Variants in FAM131B observed in about 807,000 individuals in gnomAD.
FAM131B encodes protein FAM131B.
In FAM131B, 19 loss-of-function variants were observed where a neutral mutation model predicts 42.0. The observed-to-expected ratio is 0.45, with a 90% CI of 0.32 to 0.66. The LOEUF is 0.66. Ranked by LOEUF, FAM131B falls within the 30% of genes least tolerant of loss-of-function variation. FAM131B has a pLI of 0.05. For synonymous variants in FAM131B, 183 were observed against 177.6 expected (o/e 1.03, Z -0.24); for missense variants, 370 against 468.4 (o/e 0.79, Z 1.94).
At position 143,356,539 on chromosome 7, in the gene FAM131B, G is replaced by C. The variant is rs771255526; in HGVS notation, c.*11C>G. ...AGGTGGGAGTGGAAGGCAGGGCATTGGGGGAGGAAACTAGTTGTTGGCCTC... is the reference window on the plus strand; with the variant it reads ...AGGTGGGAGTGGAAGGCAGGGCATTCGGGGAGGAAACTAGTTGTTGGCCTC... On this transcript the variant is annotated 3_prime_UTR_variant, in exon 7 of 7. Transcript: ENST00000443739. The surrounding 1 kb of genome is among the most constrained non-coding windows in gnomAD (Gnocchi z 4.4). 2.5e-6 allele frequency: 4 copies of C among 1,596,814 alleles called. No homozygotes were observed. The South Asian group carries it at 3.3e-5, about 13-fold the overall frequency.
Position 143,356,504 on chromosome 7 carries a change from C to T in FAM131B, c.*46G>A. 6.9e-7 allele frequency: 1 copy of T among 1,445,002 alleles called. No individual in the cohort carries two copies. 89.5% of individuals were successfully genotyped at this position (1,445,002 alleles called of 1,614,324 possible). The stretch of plus-strand genomic sequence containing the variant: ...GGGGAGGGAGGGTATGGGTCACAGC[C>T]ATGGCCCTCAGGTGGGAGTGGAAGG... On this transcript the variant is annotated 3_prime_UTR_variant, in exon 7 of 7. Coordinates refer to ENST00000443739, the MANE Select transcript of FAM131B (RefSeq NM_001031690.3). The surrounding 1 kb of genome is among the most constrained non-coding windows in gnomAD (Gnocchi z 4.4).
rs1407396507 is a variant in FAM131B at position 143,356,232 on chromosome 7, C to T, written c.*318G>A. On this transcript the variant is annotated 3_prime_UTR_variant, in exon 7 of 7. Transcript: ENST00000443739. The surrounding 1 kb of genome is among the most constrained non-coding windows in gnomAD (Gnocchi z 4.4). Reference sequence around the variant, plus strand: ...CCAGTCTTGAGCACAGCTGCGCTGCCCCCGTCCTCAGGGTGCACACACTGG... The same window carrying T: ...CCAGTCTTGAGCACAGCTGCGCTGCTCCCGTCCTCAGGGTGCACACACTGG... 1 of 364,628 alleles carries T rather than the reference C, an allele frequency of 2.7e-6. No homozygotes were observed. The highest frequency in any genetic ancestry group is 5.0e-6 in the Non-Finnish European group (1 of 199,180). The allele number at this position is 364,628 out of a possible 1,614,324, so 22.6% of individuals were successfully genotyped here.
chr7:143,355,284 T>G lies in FAM131B; in HGVS notation c.*1266A>C, dbSNP rs920572559. 6.6e-6 allele frequency: 1 copy of G among 152,228 alleles called. No individual in the cohort carries two copies. Among genetic ancestry groups the G allele is most frequent in the Non-Finnish European group, 1.5e-5 (1 of 68,078 alleles). 9.4% of individuals were successfully genotyped at this position (152,228 alleles called of 1,614,324 possible). A position where few individuals can be genotyped will look rare whatever the true frequency, so the allele number is the denominator to read the frequency against. On this transcript the variant is annotated 3_prime_UTR_variant, in exon 7 of 7. Transcript: ENST00000443739. This position sits in a 1 kb window ranked among gnomAD's most constrained non-coding sequence, Gnocchi z 4.1. ...AGTCCCCACCAGCATGGATGCCAAG[T>G]GTGGGAGGGCAAGCTTGTGCCTCAC...
Position 143,362,099 on chromosome 7 carries a change from C to A in FAM131B, c.28+477G>T. On this transcript the variant is annotated intron_variant, in intron 1 of 6. Transcript: ENST00000443739. The surrounding 1 kb of genome is among the most constrained non-coding windows in gnomAD (Gnocchi z 7.7). Reference sequence around the variant, plus strand: ...GAGAGATGGGGCAAAGCACCCGAGCCAGATGGAGGCGGCGGCGGGGGGTGG... The same window carrying A: ...GAGAGATGGGGCAAAGCACCCGAGCAAGATGGAGGCGGCGGCGGGGGGTGG... 1.0e-6 allele frequency: 1 copy of A among 972,714 alleles called. No homozygotes were observed. The highest frequency in any genetic ancestry group is 4.8e-5 in the South Asian group (1 of 21,032). 60.3% of individuals were successfully genotyped at this position (972,714 alleles called of 1,614,324 possible).
chr7:143,367,877 T>A, the FAM131B span, among the ~76,000 whole-genome samples: 1 of 152,210 alleles, frequency 6.6e-6, no homozygotes, highest in African/African-American at 2.4e-5. Context: ...CCCAGACAAC[T>A]GCTTCTTTGG....
At chr7:143,367,038 A>G (rs1804196215), upstream of FAM131B, among the ~76,000 whole-genome samples, 1 of 152,204 alleles carries the variant, frequency 6.6e-6, no homozygotes. Context: ...GTATTCCCAC[A>G]TAGTAGGAAG....
chr7:143,363,081 G>C (rs1804078236), upstream of FAM131B, among the ~76,000 whole-genome samples: 1 of 152,164 alleles, frequency 6.6e-6, no homozygotes, highest in Non-Finnish European at 1.5e-5. Context: ...GGGATGCCCT[G>C]AGAGAAAGTG....
upstream of FAM131B, among the ~76,000 whole-genome samples, chr7:143,362,958 C>T (rs1307002487): frequency 6.6e-6 from 1 of 151,926 alleles, no homozygotes; most frequent in African/African-American, 2.4e-5. This position sits in a 1 kb window ranked among gnomAD's most constrained non-coding sequence, Gnocchi z 7.7. Context: ...CGTGCCAAGC[C>T]CCGCTCCCGG....
chr7:143,365,461 A>C (rs1408141655), upstream of FAM131B, among the ~76,000 whole-genome samples: 1 of 152,256 alleles, frequency 6.6e-6, no homozygotes, highest in African/African-American at 2.4e-5. Flanking sequence ...TAGAGTTTTC[A>C]GTCTATTCTT....
Position 143,359,185 on chromosome 7 carries a change from G to A in FAM131B, c.268+141C>T. The A allele has an allele frequency of 9.8e-7, 1 of 1,016,152 alleles. No homozygotes were observed. The highest frequency in any genetic ancestry group is 1.5e-6 in the Non-Finnish European group (1 of 676,534). 62.9% of individuals were successfully genotyped at this position (1,016,152 alleles called of 1,614,324 possible). A position where few individuals can be genotyped will look rare whatever the true frequency, so the allele number is the denominator to read the frequency against. ...GGGTAGTGGAGGGAATGGCCTGGAG[G>A]ATGGGAGGCTTGACAGAAGGGTGAA... On this transcript the variant is annotated intron_variant, in intron 4 of 6. Coordinates refer to ENST00000443739, the MANE Select transcript of FAM131B (RefSeq NM_001031690.3). The surrounding 1 kb of genome is among the most constrained non-coding windows in gnomAD (Gnocchi z 5.4).
At chr7:143,374,161 T>C in the FAM131B span, among the ~76,000 whole-genome samples, 1 of 152,140 alleles carries the variant, frequency 6.6e-6, no homozygotes, top group Non-Finnish European at 1.5e-5. Flanking sequence ...TTCAGTATAA[T>C]TTTCTTTTCT....
At chr7:143,381,243 G>T in the FAM131B span, 2 of 1,023,500 alleles carry the variant, frequency 2.0e-6, no homozygotes, top group Non-Finnish European at 2.3e-6. Context: ...GCCGCTCCTT[G>T]TATGGTCTGG....
At chr7:143,378,335 G>A in the FAM131B span, among the ~76,000 whole-genome samples, 1 of 152,068 alleles carries the variant, frequency 6.6e-6, no homozygotes, top group Non-Finnish European at 1.5e-5. Context: ...AAACTTTCTG[G>A]TACCTGATGG....
chr7:143,371,079 T>C, the FAM131B span, among the ~76,000 whole-genome samples: 1 of 152,184 alleles, frequency 6.6e-6, no homozygotes, highest in Admixed American at 6.5e-5. Flanking sequence ...TGTTAGTTTT[T>C]TCCATTATTC....
In FAM131B at chr7:143,358,045, T is replaced by C. The variant is rs1803759529; in HGVS notation, c.467-622A>G. ...GAACCCCCAAGAGAGCATCGTGGGC[T>C]TGTGGGTCCACCATAATATAAAACT... On this transcript the variant is annotated intron_variant, in intron 5 of 6. Transcript: ENST00000443739. The surrounding 1 kb of genome is among the most constrained non-coding windows in gnomAD (Gnocchi z 4.7). Among the ~76,000 whole-genome samples the C allele has an allele frequency of 6.6e-6, 1 of 152,160 alleles. No homozygotes were observed. Among genetic ancestry groups the C allele is most frequent in the East Asian group, 1.9e-4 (1 of 5,198 alleles).
chr7:143,367,030 A>G (rs1188147788), upstream of FAM131B, among the ~76,000 whole-genome samples: 1 of 152,178 alleles, frequency 6.6e-6, no homozygotes, highest in East Asian at 1.9e-4. Context: ...TGTAAGTTGT[A>G]TTCCCACATA....
the FAM131B span, among the ~76,000 whole-genome samples, chr7:143,378,935 G>C: frequency 6.6e-6 from 1 of 152,188 alleles, no homozygotes; most frequent in Non-Finnish European, 1.5e-5. Flanking sequence ...CTTGGGCAGT[G>C]ATTCTGTTCT....
At chr7:143,362,765 TCGCCGCCGC>T (rs559900593), upstream of FAM131B, 478 of 237,832 alleles carry the variant, frequency 2.0e-3, 4 homozygotes, top group African/African-American at 9.5e-3. This position sits in a 1 kb window ranked among gnomAD's most constrained non-coding sequence, Gnocchi z 7.7. Context: ...GGCAGCTCCG[TCGCCGCCGC>T]CGCCGCCGCC....
chr7:143,359,355 A>G lies in FAM131B; in HGVS notation c.239T>C (p.Ile80Thr), dbSNP rs777296757. ...GAATGATGACTTGGCCAGGGCCCCAATGCCATAGGCGTTAGAGTTTCGCTT... is the reference window on the plus strand; with the variant it reads ...GAATGATGACTTGGCCAGGGCCCCAGTGCCATAGGCGTTAGAGTTTCGCTT... ...KLKRNSNAYG[I>T]GALAKSSFSG... Residue 80 changes from isoleucine to threonine, a missense_variant, in exon 4 of 7, where the codon ATT becomes ACT. Physicochemically the swap from Ile to Thr is moderately conservative, Grantham distance 89. Coordinates refer to ENST00000443739, the MANE Select transcript of FAM131B (RefSeq NM_001031690.3). This position sits in a 1 kb window ranked among gnomAD's most constrained non-coding sequence, Gnocchi z 5.4. 2.5e-6 allele frequency: 4 copies of G among 1,613,728 alleles called. No individual in the cohort carries two copies. Among genetic ancestry groups the G allele is most frequent in the Non-Finnish European group, 3.4e-6 (4 of 1,179,936 alleles).
Sources: gnomAD v4.1 joint callset for allele counts (sites outside exome capture counted in the v4.1 genomes callset) on GRCh38, gnomAD v4.1.1 for gene constraint, Gnocchi (gnomAD v3.1) non-coding constraint, MANE v1.5 for transcripts, NCBI Gene and HGNC (gene_info 2026-07-23, HGNC 2026-07-21) for gene names.